The following HMGCS2 variants were observed in gnomAD, a reference collection of about 807,000 sequenced individuals.
HMGCS2 encodes 3-hydroxy-3-methylglutaryl-CoA synthase 2, also known as hydroxymethylglutaryl-CoA synthase, mitochondrial.
Under a neutral mutation model 57.4 loss-of-function variants are expected in HMGCS2, and 50 were observed. That is an observed-to-expected ratio of 0.87 (90% CI 0.69 to 1.10). The LOEUF (loss-of-function observed/expected upper bound fraction) is 1.10. Ranked by LOEUF, HMGCS2 falls within the 50% of genes least tolerant of loss-of-function variation. The probability of loss-of-function intolerance (pLI) is 0.00; values close to 1 mark genes in which losing one functional copy is unlikely to be tolerated. For missense variants in HMGCS2, 627 were observed against 636.5 expected (o/e 0.99, Z 0.16); for synonymous variants, 254 against 245.1 (o/e 1.04, Z -0.34).
chr1:119,748,390 T>C lies in HMGCS2; in HGVS notation c.*457A>G, dbSNP rs1340572398. 6.6e-6 allele frequency: 1 copy of C among 152,186 alleles called. No homozygotes were observed. The highest frequency in any genetic ancestry group is 1.9e-4 in the East Asian group (1 of 5,206). 9.4% of individuals were successfully genotyped at this position (152,186 alleles called of 1,614,324 possible). ...AAACGCAGGAATCATTTCCTCTTTC[T>C]CTCTTTTTAATTGCTATATATTAGC... On this transcript the variant is annotated 3_prime_UTR_variant, in exon 10 of 10. Transcript: ENST00000369406.
At chr1:119,760,871 C>T (rs1653013737) in intron 2 of HMGCS2, among the ~76,000 whole-genome samples, 1 of 151,974 alleles carries the variant, frequency 6.6e-6, no homozygotes, top group Non-Finnish European at 1.5e-5. Context: ...TTATCCCCAT[C>T]CTACAGATGA....
At chr1:119,749,697 G>A (rs1652588168) in intron 9 of HMGCS2, among the ~76,000 whole-genome samples, 1 of 152,076 alleles carries the variant, frequency 6.6e-6, no homozygotes, top group Admixed American at 6.6e-5. Flanking sequence ...CCGCACCTCT[G>A]CTTCCTCTCA....
At chr1:119,756,168 C>A (rs1282722767) in intron 5 of HMGCS2, among the ~76,000 whole-genome samples, 1 of 152,172 alleles carries the variant, frequency 6.6e-6, no homozygotes, top group African/African-American at 2.4e-5. Context: ...TGCCCATTTT[C>A]CCACAGGCTT....
At chr1:119,750,979 A>C (rs1383665142) in intron 8 of HMGCS2, 71 bp from the exon 9 acceptor site, 4 of 918,880 alleles carry the variant, frequency 4.4e-6, no homozygotes, top group African/African-American at 3.3e-5. Flanking sequence ...AATAGTAATG[A>C]AGATGTCTGC....
chr1:119,753,741 A>C (rs760290144), intron 6 of HMGCS2, among the ~76,000 whole-genome samples: 5 of 152,342 alleles, frequency 3.3e-5, no homozygotes, highest in African/African-American at 1.2e-4. Flanking sequence ...AGGTGTCTCC[A>C]GATGGAGATC....
At chr1:119,761,818 C>T (rs912425689) in intron 2 of HMGCS2, among the ~76,000 whole-genome samples, 1 of 151,530 alleles carries the variant, frequency 6.6e-6, no homozygotes, top group South Asian at 2.1e-4. Flanking sequence ...TAAAAAAAGG[C>T]CAATAAACAA....
intron 6 of HMGCS2, among the ~76,000 whole-genome samples, chr1:119,753,632 T>C (rs776773438): frequency 6.6e-6 from 1 of 152,076 alleles, no homozygotes; most frequent in Non-Finnish European, 1.5e-5. Context: ...AAGCAGCTAA[T>C]ATCCAAGATA....
At chr1:119,764,994 A>G (rs1457012452) in intron 1 of HMGCS2, among the ~76,000 whole-genome samples, 1 of 152,222 alleles carries the variant, frequency 6.6e-6, no homozygotes, top group Non-Finnish European at 1.5e-5. Flanking sequence ...AGTCCTTTAA[A>G]AAAATTTTAA....
chr1:119,755,799 G>A (rs923943702), intron 5 of HMGCS2, among the ~76,000 whole-genome samples: 1 of 151,978 alleles, frequency 6.6e-6, no homozygotes, highest in Non-Finnish European at 1.5e-5. Context: ...TTTTTCTGGT[G>A]GAATCCATCC....
chr1:119,765,873 G>A (rs1309807123), intron 1 of HMGCS2, among the ~76,000 whole-genome samples: 2 of 152,158 alleles, frequency 1.3e-5, no homozygotes, highest in African/African-American at 4.8e-5. Flanking sequence ...ACCCAACACA[G>A]TTCTAGTCCA....
rs587662618 is a variant in HMGCS2, at chr1:119,764,185, G to A, written c.546C>T (p.Ser182=). The change falls in exon 2 of 10, where the codon TCC becomes TCT. Residue 182 remains serine, a synonymous_variant. Transcript: ENST00000369406. ...SLFNAANWME[S]SSWDGRYAMV... ...GGCCGTACATACCATCCCAGGAACT[G>A]GACTCCATCCAGTTGGCAGCATTGA... is the stretch of plus-strand genomic sequence containing the variant. 1 of 1,613,242 alleles carries A rather than the reference G, an allele frequency of 6.2e-7. No homozygotes were observed. Among genetic ancestry groups the A allele is most frequent in the East Asian group, 2.2e-5 (1 of 44,878 alleles).
At chr1:119,758,407 T>A (rs1652924286) in intron 4 of HMGCS2, among the ~76,000 whole-genome samples, 1 of 151,832 alleles carries the variant, frequency 6.6e-6, no homozygotes, top group Non-Finnish European at 1.5e-5. Flanking sequence ...CTAACTTTTG[T>A]ACTTTTTTTT....
intron 4 of HMGCS2, 29 bp downstream of exon 4, chr1:119,759,089 C>A: frequency 6.2e-7 from 1 of 1,612,768 alleles, no homozygotes; most frequent in Non-Finnish European, 8.5e-7. Flanking sequence ...TAAATAGAGC[C>A]CCCACTTTCT....
In HMGCS2 at chr1:119,768,745, G is replaced by T; in HGVS notation, c.100C>A (p.Gln34Lys). The T allele has an allele frequency of 6.2e-7, 1 of 1,609,916 alleles. No individual in the cohort carries two copies. The highest frequency in any genetic ancestry group is 8.5e-7 in the Non-Finnish European group (1 of 1,176,174). ...GCTTCTCAGAAAGTGACTCACCTTT[G>T]GTGGGCTACTGGGAGCAGGCGAGCA... ...TPARLLPVAH[Q>K]RFSTASAVPL... is the part of the protein sequence containing the mutation. Residue 34 changes from glutamine (Q) to lysine (K), a missense_variant, in exon 1 of 10, where the codon CAA becomes AAA. Gln to Lys is a moderately conservative substitution (Grantham distance 53). Coordinates refer to ENST00000369406, the MANE Select transcript of HMGCS2 (RefSeq NM_005518.4).
At chr1:119,767,614 C>T (rs190551141) in intron 1 of HMGCS2, among the ~76,000 whole-genome samples, 10 of 152,250 alleles carry the variant, frequency 6.6e-5, no homozygotes, top group Admixed American at 6.5e-4. Flanking sequence ...GAAAAGGTGA[C>T]TCATGAAAAG....
At chr1:119,755,674 T>G (rs753270211) in intron 5 of HMGCS2, 77 bp from the exon 6 acceptor site, 49 of 1,349,612 alleles carry the variant, frequency 3.6e-5, no homozygotes, top group Non-Finnish European at 5.0e-5. Context: ...AGTAACAGCT[T>G]CTGGAGAGGA....
chr1:119,748,120 T>G lies in HMGCS2; in HGVS notation c.*727A>C, dbSNP rs1390905324. ...CCAAGAAGATCTGAACTACAGCTCC[T>G]GCTGGCCCCTGTCTGCTGCTCTCTG... On this transcript the variant is annotated 3_prime_UTR_variant, in exon 10 of 10. Coordinates refer to ENST00000369406, the MANE Select transcript of HMGCS2 (RefSeq NM_005518.4). 6.6e-6 allele frequency: 1 copy of G among 152,334 alleles called. No homozygotes were observed. Among genetic ancestry groups the G allele is most frequent in the Non-Finnish European group, 1.5e-5 (1 of 68,084 alleles). The allele number at this position is 152,334 out of a possible 1,614,324, so 9.4% of individuals were successfully genotyped here.
intron 2 of HMGCS2, among the ~76,000 whole-genome samples, chr1:119,763,943 C>T (rs978817982): frequency 6.6e-6 from 1 of 152,208 alleles, no homozygotes; most frequent in Admixed American, 6.5e-5. Context: ...GTATAATACA[C>T]ACTTCCTAGG....
intron 1 of HMGCS2, among the ~76,000 whole-genome samples, chr1:119,765,853 T>G (rs1213760307): frequency 6.6e-6 from 1 of 152,224 alleles, no homozygotes; most frequent in Non-Finnish European, 1.5e-5. Flanking sequence ...TTCCAATGTT[T>G]ATTGAGCACA....
Sources: allele counts gnomAD v4.1 joint callset (sites outside exome capture counted in the v4.1 genomes callset), GRCh38; gene constraint gnomAD v4.1.1; transcripts MANE v1.5; gene names NCBI Gene and HGNC (gene_info 2026-07-23, HGNC 2026-07-21).